The following IKZF3 variants were observed in gnomAD, a reference collection of about 807,000 sequenced individuals.
IKZF3 encodes the protein IKAROS family zinc finger 3.
Under a neutral mutation model 49.0 loss-of-function variants are expected in IKZF3, and 10 were observed. The observed-to-expected ratio is 0.20, with a 90% CI of 0.13 to 0.35. IKZF3 has a LOEUF of 0.35. Among genes scored for constraint, IKZF3 ranks in the 10% least tolerant of loss-of-function variants. The pLI, the probability that IKZF3 is intolerant of heterozygous loss-of-function variation, is 1.00. For synonymous variants in IKZF3, 209 were observed against 228.2 expected (o/e 0.92, Z 0.76); for missense variants, 498 against 664.8 (o/e 0.75, Z 2.76).
intron 3 of IKZF3, among the ~76,000 whole-genome samples, chr17:39,821,768 A>C (rs2144206335): frequency 6.6e-6 from 1 of 152,326 alleles, no homozygotes; most frequent in East Asian, 1.9e-4. Context: ...TCTGGTCACC[A>C]AAAAGAGAGT....
At chr17:39,829,527 T>A in intron 2 of IKZF3, 39 bp from the exon 3 acceptor site, 3 of 1,406,504 alleles carry the variant, frequency 2.1e-6, no homozygotes, top group Non-Finnish European at 3.0e-6. Context: ...TGGTTCAACG[T>A]TAAAGGATTT....
At chr17:39,811,887 C>T (rs1248980171) in intron 3 of IKZF3, among the ~76,000 whole-genome samples, 1 of 152,164 alleles carries the variant, frequency 6.6e-6, no homozygotes, top group Non-Finnish European at 1.5e-5. Context: ...TACAATAACA[C>T]CCTGCCACAA....
At position 39,777,776 on chromosome 17, in the gene IKZF3, GA is replaced by G; in HGVS notation, c.710-10del. 6.2e-7 allele frequency: 1 copy of G among 1,606,924 alleles called. No individual in the cohort carries two copies. Among genetic ancestry groups the G allele is most frequent in the South Asian group, 1.1e-5 (1 of 89,950 alleles). ...TCTTGCCTCCGCACTTGCTAGTTTG[GA>G]AAAATGTAAAAAGAAGAGAGAAAAG... On this transcript the variant is annotated splice_polypyrimidine_tract_variant and intron_variant, in intron 6 of 7. Transcript: ENST00000346872.
intron 3 of IKZF3, among the ~76,000 whole-genome samples, chr17:39,816,148 AC>A (rs1360077131): frequency 1.3e-5 from 2 of 152,206 alleles, no homozygotes; most frequent in Non-Finnish European, 2.9e-5. Flanking sequence ...AAAGGAGAAA[AC>A]CAACTAAATG....
At chr17:39,833,305 C>A (rs1198785172) in intron 1 of IKZF3, among the ~76,000 whole-genome samples, 1 of 152,014 alleles carries the variant, frequency 6.6e-6, no homozygotes, top group Non-Finnish European at 1.5e-5. Flanking sequence ...TTAAGTGTAC[C>A]ATTCAATGAG....
chr17:39,829,608 C>T, intron 2 of IKZF3, 120 bp from the exon 3 acceptor site: 2 of 658,064 alleles, frequency 3.0e-6, no homozygotes, highest in Non-Finnish European at 5.2e-6. Context: ...ACAGATAGTA[C>T]CCCTTCACAC....
Position 39,807,539 on chromosome 17 carries a change from T to C in IKZF3, c.164-14606A>G, listed in dbSNP as rs184637291. Reference sequence around the variant, plus strand: ...TCAGTCTCCTGAGTAGCTGGGACTATTTAAATTTTTTTTTTTTTTTTTTTT... The same window carrying C: ...TCAGTCTCCTGAGTAGCTGGGACTACTTAAATTTTTTTTTTTTTTTTTTTT... On this transcript the variant is annotated intron_variant, in intron 3 of 7. Transcript: ENST00000346872. 6.1e-3 allele frequency among the ~76,000 whole-genome samples: 860 copies of C among 141,356 alleles called. 9 individuals are homozygous for C. Among genetic ancestry groups the C allele is most frequent in the African/African-American group, 0.021 (796 of 37,746 alleles). The allele number at this position is 141,356 out of a possible 152,430, so 92.7% of individuals were successfully genotyped here.
intron 1 of IKZF3, among the ~76,000 whole-genome samples, chr17:39,862,354 A>G (rs941980644): frequency 6.6e-6 from 1 of 152,170 alleles, no homozygotes; most frequent in Non-Finnish European, 1.5e-5. Flanking sequence ...GGCAGAAAAT[A>G]AAGGTATTCC....
At chr17:39,812,961 G>A (rs2144117492) in intron 3 of IKZF3, among the ~76,000 whole-genome samples, 1 of 152,222 alleles carries the variant, frequency 6.6e-6, no homozygotes, top group Non-Finnish European at 1.5e-5. Context: ...AATTAGCCGG[G>A]TGTGGTGGCG....
intron 1 of IKZF3, among the ~76,000 whole-genome samples, chr17:39,855,994 GTATATGTACAA>G (rs1160437379): frequency 6.7e-6 from 1 of 149,900 alleles, no homozygotes; most frequent in Non-Finnish European, 1.5e-5. Flanking sequence ...CATGTATATT[GTATATGTACAA>G]TATAACATGT....
At chr17:39,779,596 T>C (rs547989200) in intron 6 of IKZF3, among the ~76,000 whole-genome samples, 2 of 151,928 alleles carry the variant, frequency 1.3e-5, no homozygotes. Flanking sequence ...GGCCAGACAG[T>C]AAATTTTAAA....
At chr17:39,803,577 G>C (rs939437083) in intron 3 of IKZF3, among the ~76,000 whole-genome samples, 1 of 150,148 alleles carries the variant, frequency 6.7e-6, no homozygotes, top group Non-Finnish European at 1.5e-5. Flanking sequence ...GCAATGGCGC[G>C]ATCTCGGCTC....
chr17:39,807,128 A>G (rs2061446825), intron 3 of IKZF3, among the ~76,000 whole-genome samples: 1 of 152,162 alleles, frequency 6.6e-6, no homozygotes, highest in Non-Finnish European at 1.5e-5. Context: ...CTGTGCCTGT[A>G]TTCCTGAGAT....
Position 39,766,332 on chromosome 17 carries a change from G to A in IKZF3, c.988C>T (p.Pro330Ser). ...LRPLVQTPPA[P>S]TSEMVPVISS... ...ATAACTGGAACCATCTCCGAGGTGG[G>A]AGCAGGCGGTGTCTGGACCAAGGGG... is the stretch of plus-strand genomic sequence containing the variant. The change falls in exon 8 of 8, where the codon CCC becomes TCC. Residue 330 changes from proline to serine, a missense_variant. By Grantham distance (74) the Pro-to-Ser change is moderately conservative. This residue lies in a region of IKZF3 where 317 missense variants were observed against 397.3 expected (regional missense o/e 0.80). Coordinates refer to ENST00000346872, the MANE Select transcript of IKZF3 (RefSeq NM_012481.5). The A allele has an allele frequency of 2.5e-6, 4 of 1,614,190 alleles. No individual in the cohort carries two copies. Among genetic ancestry groups the A allele is most frequent in the Non-Finnish European group, 3.4e-6 (4 of 1,180,040 alleles).
At position 39,839,486 on chromosome 17, in the gene IKZF3, C is replaced by A. The variant is rs547605654; in HGVS notation, c.8-7335G>T. On this transcript the variant is annotated intron_variant, in intron 1 of 7. Transcript: ENST00000346872. ...GAAGATTTTCCTTTTGTTTCTTGGC[C>A]AGGAATCACTTAATCCTGAAAGTCT... The A allele has an allele frequency of 3.4e-4, 194 of 571,526 alleles. 2 individuals carry two copies. Among genetic ancestry groups the A allele is most frequent in the South Asian group, 2.7e-3 (191 of 71,542 alleles). 35.4% of individuals were successfully genotyped at this position (571,526 alleles called of 1,614,324 possible).
At chr17:39,812,865 G>A (rs1316930646) in intron 3 of IKZF3, among the ~76,000 whole-genome samples, 1 of 151,990 alleles carries the variant, frequency 6.6e-6, no homozygotes, top group African/African-American at 2.4e-5. Flanking sequence ...TTGGGAGGCC[G>A]AGGTGGGCAA....
chr17:39,803,369 A>C (rs2061364210), intron 3 of IKZF3, among the ~76,000 whole-genome samples: 1 of 152,252 alleles, frequency 6.6e-6, no homozygotes. Context: ...TGGATGAAAT[A>C]CATTTAAAGA....
chr17:39,842,059 A>AAAAAAAAAAAT (rs2062488846), intron 1 of IKZF3, among the ~76,000 whole-genome samples: 1 of 68,834 alleles, frequency 1.5e-5, no homozygotes, highest in Non-Finnish European at 2.6e-5. Flanking sequence ...AAAAAAAAAA[A>AAAAAAAAAAAT]CCAGATAAAA....
At chr17:39,788,854 G>A (rs1040046636) in intron 5 of IKZF3, among the ~76,000 whole-genome samples, 2 of 152,160 alleles carry the variant, frequency 1.3e-5, no homozygotes, top group Non-Finnish European at 2.9e-5. Flanking sequence ...GACATATTTG[G>A]GTAAATTTAG....
Sources: gnomAD v4.1 joint callset for allele counts (sites outside exome capture counted in the v4.1 genomes callset) on GRCh38, gnomAD v4.1.1 for gene constraint, gnomAD v4.1.1 regional missense constraint, MANE v1.5 for transcripts, NCBI Gene and HGNC (gene_info 2026-07-23, HGNC 2026-07-21) for gene names.